Variants in LAMA2 observed in about 807,000 individuals in gnomAD.
The protein encoded by LAMA2 is laminin subunit alpha-2.
In LAMA2, 269 loss-of-function variants were observed where a neutral mutation model predicts 364.8. That is an observed-to-expected ratio of 0.74 (90% CI 0.67 to 0.82). The LOEUF is 0.82. Ranked by LOEUF, LAMA2 falls within the 40% of genes least tolerant of loss-of-function variation. The pLI, the probability that LAMA2 is intolerant of heterozygous loss-of-function variation, is 0.00. For missense variants in LAMA2, 3,807 were observed against 3,873.2 expected (o/e 0.98, Z 0.45); for synonymous variants, 1,379 against 1,370.6 (o/e 1.01, Z -0.14).
At chr6:129,269,615 A>G (rs1583382809) in intron 16 of LAMA2, among the ~76,000 whole-genome samples, 1 of 152,108 alleles carries the variant, frequency 6.6e-6, no homozygotes, top group East Asian at 1.9e-4. Flanking sequence ...TTTTTGATTC[A>G]ATTTTTTAAA....
At position 129,287,960 on chromosome 6, in the gene LAMA2, G is replaced by T; in HGVS notation, c.2651G>T (p.Gly884Val). 1 of 1,614,046 alleles carries T rather than the reference G, an allele frequency of 6.2e-7. No individual in the cohort carries two copies. Among genetic ancestry groups the T allele is most frequent in the Non-Finnish European group, 8.5e-7 (1 of 1,179,946 alleles). The change falls in exon 19 of 65, where the codon GGC (glycine) becomes GTC (valine). Residue 884 changes from glycine to valine, a missense_variant. Around this residue, in one of 3 missense-constraint regions of LAMA2, gnomAD observed 3,333 missense variants for 3,345.7 expected, o/e 1.00. Coordinates refer to ENST00000421865, the MANE Select transcript of LAMA2 (RefSeq NM_000426.4). ...SIPGSCDSLS[G>V]SCLICKPGTT... The stretch of plus-strand genomic sequence containing the variant: ...CCTGGCAGCTGTGACAGCTTGTCTG[G>T]CTCCTGTCTGATATGTAAACCAGGT...
At chr6:129,094,118 C>T (rs1249072375) in intron 3 of LAMA2, among the ~76,000 whole-genome samples, 3 of 152,152 alleles carry the variant, frequency 2.0e-5, no homozygotes, top group Admixed American at 6.5e-5. Flanking sequence ...GAGTACAGTA[C>T]TTAGAAAATC....
rs566533047 is a variant in LAMA2, at chr6:129,088,530, C to G, written c.397-9643C>G. Among the ~76,000 whole-genome samples, 269 of 150,426 alleles carry G rather than the reference C, an allele frequency of 1.8e-3. 2 individuals are homozygous for G. The highest frequency in any genetic ancestry group is 6.2e-3 in the African/African-American group (255 of 40,952). ...GGTGGCTGGCCAGGCGGGGGCTGCC[C>G]CCTACCTCCCTCCTGGACGGGGCGG... On this transcript the variant is annotated intron_variant, in intron 3 of 64. Coordinates refer to ENST00000421865, the MANE Select transcript of LAMA2 (RefSeq NM_000426.4).
At chr6:129,097,082 A>G (rs1583035538) in intron 3 of LAMA2, among the ~76,000 whole-genome samples, 1 of 152,108 alleles carries the variant, frequency 6.6e-6, no homozygotes, top group Non-Finnish European at 1.5e-5. Flanking sequence ...TGTCCTCCCA[A>G]TTGTGCCCCA....
At chr6:129,307,280 T>C (rs1287258220) in intron 22 of LAMA2, among the ~76,000 whole-genome samples, 1 of 152,224 alleles carries the variant, frequency 6.6e-6, no homozygotes, top group Non-Finnish European at 1.5e-5. Context: ...ATTCCAAGCT[T>C]TCTCTGGGCT....
chr6:128,907,453 A>G (rs1777564852), intron 1 of LAMA2, among the ~76,000 whole-genome samples: 1 of 152,180 alleles, frequency 6.6e-6, no homozygotes, highest in South Asian at 2.1e-4. Context: ...GTTGGTGTAT[A>G]AGAATGCTTG....
intron 1 of LAMA2, among the ~76,000 whole-genome samples, chr6:128,941,034 A>G (rs1009653603): frequency 1.3e-5 from 2 of 152,230 alleles, no homozygotes; most frequent in African/African-American, 4.8e-5. Flanking sequence ...TAGCATTTGT[A>G]GGGGTACAGA....
intron 14 of LAMA2, among the ~76,000 whole-genome samples, chr6:129,260,275 T>C (rs1271644696): frequency 6.6e-6 from 1 of 152,170 alleles, no homozygotes; most frequent in Non-Finnish European, 1.5e-5. Context: ...ATTGTTTCCA[T>C]CTTTTATTTC....
intron 8 of LAMA2, among the ~76,000 whole-genome samples, chr6:129,156,984 G>C (rs1779152125): frequency 6.6e-6 from 1 of 152,086 alleles, no homozygotes; most frequent in Non-Finnish European, 1.5e-5. Context: ...ATCCTGGCGT[G>C]CATGTGCATG....
intron 51 of LAMA2, among the ~76,000 whole-genome samples, chr6:129,469,072 T>C (rs1302150199): frequency 2.0e-5 from 3 of 151,944 alleles, no homozygotes; most frequent in African/African-American, 7.2e-5. Flanking sequence ...GTTTGAATTA[T>C]TGGAGTTTAA....
At chr6:129,024,497 C>T (rs1425682388) in intron 1 of LAMA2, among the ~76,000 whole-genome samples, 1 of 151,496 alleles carries the variant, frequency 6.6e-6, no homozygotes, top group African/African-American at 2.4e-5. Flanking sequence ...AATTCTCCTG[C>T]CTCAGCCTCC....
At chr6:129,436,143 A>G (rs1781821728) in intron 41 of LAMA2, among the ~76,000 whole-genome samples, 1 of 152,176 alleles carries the variant, frequency 6.6e-6, no homozygotes, top group African/African-American at 2.4e-5. Flanking sequence ...TGCACACAGA[A>G]AGCAATTTAG....
chr6:129,086,742 A>C (rs1774409565), intron 3 of LAMA2, among the ~76,000 whole-genome samples: 1 of 152,228 alleles, frequency 6.6e-6, no homozygotes, highest in Admixed American at 6.5e-5. Context: ...TTAATGGCTT[A>C]AAACCTCACA....
At chr6:129,083,123 T>C (rs1242613578) in intron 3 of LAMA2, among the ~76,000 whole-genome samples, 2 of 152,022 alleles carry the variant, frequency 1.3e-5, no homozygotes, top group African/African-American at 2.4e-5. Context: ...AATACATATA[T>C]ATAAAATGGG....
intron 40 of LAMA2, among the ~76,000 whole-genome samples, chr6:129,413,336 A>G (rs1013762059): frequency 1.3e-5 from 2 of 152,168 alleles, no homozygotes; most frequent in African/African-American, 4.8e-5. Context: ...ATTTTCATAT[A>G]TATAATAGGG....
chr6:129,276,358 A>T (rs1290887738), intron 17 of LAMA2, among the ~76,000 whole-genome samples: 1 of 152,216 alleles, frequency 6.6e-6, no homozygotes, highest in African/African-American at 2.4e-5. Context: ...CCATGATTAA[A>T]GGAGTGCTTG....
intron 19 of LAMA2, among the ~76,000 whole-genome samples, chr6:129,288,568 G>T (rs1789451509): frequency 6.6e-6 from 1 of 152,148 alleles, no homozygotes; most frequent in Admixed American, 6.5e-5. Flanking sequence ...ATTTGTCATT[G>T]TTGAATGATT....
chr6:129,084,113 T>C (rs1440229821), intron 3 of LAMA2, among the ~76,000 whole-genome samples: 1 of 152,188 alleles, frequency 6.6e-6, no homozygotes, highest in African/African-American at 2.4e-5. Context: ...CACTCTGTGG[T>C]CTTTAAAATA....
rs142178396 is a variant in LAMA2 at position 129,458,310 on chromosome 6, A to G, written c.6867+1816A>G. ...TCACACCTTAAATTGTACCTTAATA[A>G]TTATTATGCAAATGTAATTGGCACA... On this transcript the variant is annotated intron_variant, in intron 48 of 64. Coordinates refer to ENST00000421865, the MANE Select transcript of LAMA2 (RefSeq NM_000426.4). Among the ~76,000 whole-genome samples, 520 of 152,192 alleles carry G rather than the reference A, an allele frequency of 3.4e-3. 5 individuals carry two copies. Among genetic ancestry groups the G allele is most frequent in the African/African-American group, 0.012 (506 of 41,540 alleles).
Sources: gnomAD v4.1 joint callset for allele counts (sites outside exome capture counted in the v4.1 genomes callset) on GRCh38, gnomAD v4.1.1 for gene constraint, gnomAD v4.1.1 regional missense constraint, MANE v1.5 for transcripts, NCBI Gene and HGNC (gene_info 2026-07-23, HGNC 2026-07-21) for gene names.